AGFG1: variants seen among roughly 807,000 people sequenced by gnomAD.
AGFG1 encodes the protein ArfGAP with FG repeats 1.
AGFG1 carries 10 observed loss-of-function variants against 60.6 expected under a neutral mutation model. The observed-to-expected ratio is 0.16, with a 90% confidence interval of 0.10 to 0.28. The LOEUF (loss-of-function observed/expected upper bound fraction) is 0.28, where lower values mean the gene tolerates loss of function less well. Ranked by LOEUF, AGFG1 falls within the 10% of genes least tolerant of loss-of-function variation. The probability of loss-of-function intolerance (pLI) is 1.00; values close to 1 mark genes in which losing one functional copy is unlikely to be tolerated. For missense variants in AGFG1, 537 were observed against 676.5 expected (o/e 0.79, Z 2.29); for synonymous variants, 247 against 242.9 (o/e 1.02, Z -0.16).
At chr2:227,537,588 T>A (rs1692350503) in intron 10 of AGFG1, among the ~76,000 whole-genome samples, 2 of 152,204 alleles carry the variant, frequency 1.3e-5, no homozygotes, top group Admixed American at 1.3e-4. Context: ...CTCCATTTTA[T>A]TTTTTGATTC....
chr2:227,524,037 G>A, intron 4 of AGFG1, 112 bp downstream of exon 4: 1 of 1,055,210 alleles, frequency 9.5e-7, no homozygotes. Flanking sequence ...GTAGCATTAT[G>A]TTCCAATGGT....
intron 1 of AGFG1, among the ~76,000 whole-genome samples, chr2:227,475,120 G>A (rs1353256819): frequency 1.3e-5 from 2 of 152,122 alleles, no homozygotes; most frequent in Non-Finnish European, 2.9e-5. Flanking sequence ...GGATTTTATG[G>A]TTGTAACTCA....
chr2:227,560,368 G>C lies in AGFG1; in HGVS notation c.*5873G>C, dbSNP rs1199885068. ...CATTATTCTATTTTGAGGCTCACCA[G>C]CTGTGTAGGTATGATCTTGTGCTTC... On this transcript the variant is annotated 3_prime_UTR_variant, in exon 13 of 13. Transcript: ENST00000310078. 4 of 152,018 alleles carry C rather than the reference G, an allele frequency of 2.6e-5. No homozygotes were observed. Among genetic ancestry groups the C allele is most frequent in the African/African-American group, 9.7e-5 (4 of 41,422 alleles). The allele number at this position is 152,018 out of a possible 1,614,324, so 9.4% of individuals were successfully genotyped here. A position where few individuals can be genotyped will look rare whatever the true frequency, so the allele number is the denominator to read the frequency against.
intron 1 of AGFG1, among the ~76,000 whole-genome samples, chr2:227,484,688 G>GTTTTTTTTTTTTTTTTTT (rs745570416): frequency 3.2e-4 from 8 of 25,112 alleles, no homozygotes; most frequent in Admixed American, 7.8e-4. Context: ...TTTTTTTTTT[G>GTTTTTTTTTTTTTTTTTT]TTTTTTTTTT....
intron 5 of AGFG1, among the ~76,000 whole-genome samples, chr2:227,528,966 A>T (rs1253698026): frequency 6.6e-6 from 1 of 152,196 alleles, no homozygotes; most frequent in East Asian, 1.9e-4. Flanking sequence ...AAATAGCTAC[A>T]TGTAGGCTGT....
At chr2:227,510,393 G>A (rs1464581927) in intron 2 of AGFG1, among the ~76,000 whole-genome samples, 11 of 152,124 alleles carry the variant, frequency 7.2e-5, no homozygotes, top group African/African-American at 1.9e-4. Context: ...TCAAAACAAC[G>A]AGTCATCTGA....
At chr2:227,499,743 A>G (rs62190978) in intron 2 of AGFG1, among the ~76,000 whole-genome samples, 3,312 of 152,278 alleles carry the variant, frequency 0.022, 70 homozygotes, top group Middle Eastern at 0.086. Context: ...AGTATGTGGC[A>G]TAGATTCAGG....
intron 10 of AGFG1, among the ~76,000 whole-genome samples, chr2:227,543,089 G>C (rs190617406): frequency 1.3e-5 from 2 of 151,674 alleles, no homozygotes; most frequent in East Asian, 3.9e-4. Context: ...CAATTTTGTT[G>C]ATCTTTTCAA....
At chr2:227,525,027 T>C in intron 5 of AGFG1, 112 bp downstream of exon 5, 2 of 1,270,906 alleles carry the variant, frequency 1.6e-6, no homozygotes, top group Non-Finnish European at 2.2e-6. Context: ...GAAAATGTTT[T>C]GTCACTTGTA....
intron 2 of AGFG1, among the ~76,000 whole-genome samples, chr2:227,511,165 CTA>C (rs1035307179): frequency 6.6e-6 from 1 of 152,292 alleles, no homozygotes; most frequent in Non-Finnish European, 1.5e-5. Context: ...GCCCATCTCT[CTA>C]TGTTATTCCC....
intron 2 of AGFG1, among the ~76,000 whole-genome samples, chr2:227,511,802 A>C (rs1374606176): frequency 6.6e-6 from 1 of 152,212 alleles, no homozygotes; most frequent in Non-Finnish European, 1.5e-5. Flanking sequence ...ATAGCATTTA[A>C]AAATTATGAG....
At chr2:227,508,520 C>G (rs1399824587) in intron 2 of AGFG1, 2 of 403,916 alleles carry the variant, frequency 5.0e-6, no homozygotes, top group East Asian at 1.5e-4. Context: ...AAAGCTTTTT[C>G]TGTGTGTACA....
intron 10 of AGFG1, among the ~76,000 whole-genome samples, chr2:227,541,695 A>G (rs1394935705): frequency 6.6e-6 from 1 of 152,124 alleles, no homozygotes; most frequent in Non-Finnish European, 1.5e-5. Context: ...TTTTGGTTCC[A>G]TATGAACTTT....
At chr2:227,480,838 C>T (rs1404924364) in intron 1 of AGFG1, among the ~76,000 whole-genome samples, 5 of 152,140 alleles carry the variant, frequency 3.3e-5, no homozygotes, top group Non-Finnish European at 4.4e-5. Flanking sequence ...ATGTTTTATT[C>T]TGCCTTCTTT....
chr2:227,482,027 C>A (rs373210892), intron 1 of AGFG1, among the ~76,000 whole-genome samples: 4 of 151,786 alleles, frequency 2.6e-5, no homozygotes, highest in Non-Finnish European at 2.9e-5. Context: ...CACCTTGCCC[C>A]GCTAATTTTT....
chr2:227,484,355 T>C (rs1690556590), intron 1 of AGFG1, among the ~76,000 whole-genome samples: 1 of 151,992 alleles, frequency 6.6e-6, no homozygotes, highest in Non-Finnish European at 1.5e-5. Context: ...CTGGCTAATT[T>C]TTCTATTTTT....
intron 2 of AGFG1, among the ~76,000 whole-genome samples, chr2:227,501,724 T>C (rs1691163032): frequency 1.3e-5 from 2 of 151,920 alleles, no homozygotes; most frequent in African/African-American, 2.4e-5. Flanking sequence ...GCTGGGACCA[T>C]AGGCATACAC....
intron 4 of AGFG1, among the ~76,000 whole-genome samples, chr2:227,524,389 C>G (rs902500357): frequency 1.1e-4 from 16 of 152,144 alleles, no homozygotes; most frequent in African/African-American, 3.9e-4. Flanking sequence ...TTGCATTATA[C>G]CTTATTCTTA....
chr2:227,529,178 C>T (rs549628474), intron 5 of AGFG1, among the ~76,000 whole-genome samples: 28 of 152,146 alleles, frequency 1.8e-4, no homozygotes, highest in Admixed American at 1.6e-3. Context: ...CATCTTTTGA[C>T]GTTTTGCCTT....
Sources: gnomAD v4.1 joint callset for allele counts (sites outside exome capture counted in the v4.1 genomes callset) on GRCh38, gnomAD v4.1.1 for gene constraint, MANE v1.5 for transcripts, NCBI Gene and HGNC (gene_info 2026-07-23, HGNC 2026-07-21) for gene names.